UBAP2: variants seen among roughly 807,000 people sequenced by gnomAD.
UBAP2 encodes ubiquitin associated protein 2.
A neutral mutation model predicts 139.6 loss-of-function variants in UBAP2; 75 were observed. That is an observed-to-expected ratio of 0.54 (90% CI 0.45 to 0.65). The LOEUF is 0.65. UBAP2 is among the 30% of genes least tolerant of loss of function. The pLI, the probability that UBAP2 is intolerant of heterozygous loss-of-function variation, is 0.00. For missense variants in UBAP2, 1,368 were observed against 1,369.6 expected, an observed-to-expected ratio of 1.00 and a Z score of 0.02; for synonymous variants, 526 against 526.2, an observed-to-expected ratio of 1.00 and a Z score of 0.01.
At chr9:33,995,577 T>A (rs1297239040) in intron 4 of UBAP2, 2 of 137,296 alleles carry the variant, frequency 1.5e-5, no homozygotes, top group African/African-American at 5.5e-5. Flanking sequence ...AATTTAAAAT[T>A]AAATTATTTA....
At chr9:33,959,626 T>C (rs773460539) in intron 10 of UBAP2, among the ~76,000 whole-genome samples, 1 of 152,200 alleles carries the variant, frequency 6.6e-6, no homozygotes, top group Non-Finnish European at 1.5e-5. Flanking sequence ...AAAAATACTA[T>C]GCTGAAAGCA....
intron 1 of UBAP2, among the ~76,000 whole-genome samples, chr9:34,018,097 A>G (rs559918667): frequency 2.0e-5 from 3 of 152,178 alleles, no homozygotes; most frequent in Admixed American, 6.6e-5. Context: ...TAAGATGGGA[A>G]GACTGCTTGA....
At chr9:34,005,952 C>T (rs1416047114) in intron 2 of UBAP2, among the ~76,000 whole-genome samples, 2 of 152,022 alleles carry the variant, frequency 1.3e-5, no homozygotes, top group African/African-American at 4.8e-5. Context: ...GGACTCTGGC[C>T]AGGCGTGGTG....
At chr9:33,980,810 A>G (rs942418519) in intron 6 of UBAP2, among the ~76,000 whole-genome samples, 1 of 151,308 alleles carries the variant, frequency 6.6e-6, no homozygotes, top group Non-Finnish European at 1.5e-5. Flanking sequence ...AGCTGGGCAT[A>G]GTAGCGTGCA....
In UBAP2 at chr9:33,948,479, T is replaced by G. The variant is rs111735256; in HGVS notation, c.1165A>C (p.Thr389Pro). Reference sequence around the variant, plus strand: ...TTCTGCTGTGTACTTGGGGTGGTGGTAAACTGGCCCAAACTCGGAGCTTTC... The same window carrying G: ...TTCTGCTGTGTACTTGGGGTGGTGGGAAACTGGCCCAAACTCGGAGCTTTC... ...QLKAPSLGQF[T>P]TTPSTQQNST... is the part of the protein sequence containing the mutation. Residue 389 changes from threonine (T) to proline (P), a missense_variant, in exon 13 of 29, where the codon ACC becomes CCC. Thr to Pro is a conservative substitution (Grantham distance 38, BLOSUM62 -1). Transcript: ENST00000379238. 1.3e-5 allele frequency: 21 copies of G among 1,614,026 alleles called. No individual in the cohort carries two copies. The highest frequency in any genetic ancestry group is 1.6e-4 in the Middle Eastern group (1 of 6,084).
chr9:33,993,621 G>A (rs1301687867), intron 4 of UBAP2, among the ~76,000 whole-genome samples: 1 of 152,174 alleles, frequency 6.6e-6, no homozygotes, highest in African/African-American at 2.4e-5. Context: ...AACCGTGATG[G>A]CACCACTGCA....
chr9:33,984,454 G>A (rs1821028994), intron 6 of UBAP2, among the ~76,000 whole-genome samples: 1 of 151,942 alleles, frequency 6.6e-6, no homozygotes, highest in East Asian at 1.9e-4. Context: ...CTTGAGGCCA[G>A]GAGTTCCAGA....
intron 2 of UBAP2, among the ~76,000 whole-genome samples, chr9:33,999,245 G>A (rs997156404): frequency 1.6e-4 from 25 of 151,600 alleles, no homozygotes; most frequent in African/African-American, 6.1e-4. Context: ...CAAGGTAGAA[G>A]CACTGCTTGA....
intron 5 of UBAP2, among the ~76,000 whole-genome samples, chr9:33,988,319 A>G (rs549812911): frequency 7.2e-4 from 110 of 152,326 alleles, no homozygotes; most frequent in African/African-American, 2.5e-3. Flanking sequence ...ATGAGACAGC[A>G]AGAGTCTCAG....
In UBAP2 at chr9:33,948,495, C is replaced by T. The variant is rs367976778; in HGVS notation, c.1149G>A (p.Pro383=). ...GGGTGGTGGTAAACTGGCCCAAACT[C>T]GGAGCTTTCAACTGGTCCAAAATCT... ...SSQILDQLKA[P]SLGQFTTTPS... Residue 383 remains proline, a synonymous_variant, in exon 13 of 29, where the codon CCG becomes CCA. Coordinates refer to ENST00000379238, the MANE Select transcript of UBAP2 (RefSeq NM_001370062.2). 46 of 1,614,000 alleles carry T rather than the reference C, an allele frequency of 2.9e-5. No individual in the cohort carries two copies. Among genetic ancestry groups the T allele is most frequent in the Non-Finnish European group, 3.5e-5 (41 of 1,180,032 alleles).
chr9:33,970,091 G>A (rs1467660320), intron 8 of UBAP2, among the ~76,000 whole-genome samples: 5 of 150,546 alleles, frequency 3.3e-5, no homozygotes, highest in African/African-American at 4.9e-5. Context: ...TACTATGCCC[G>A]GCTAACTTTT....
chr9:34,012,840 AT>A lies in UBAP2; in HGVS notation c.99+4209del, dbSNP rs113937825. On this transcript the variant is annotated intron_variant, in intron 2 of 28. Transcript: ENST00000379238. ...AACTTTTCCGTAAATCTCACAATGT[AT>A]TTTTTTTTTTTTTAAATTGAGGTTC... Among the ~76,000 whole-genome samples the A allele has an allele frequency of 7.7e-3, 1,123 of 146,236 alleles. 2 individuals are homozygous for A. Among genetic ancestry groups the A allele is most frequent in the Non-Finnish European group, 0.011 (702 of 66,602 alleles).
intron 1 of UBAP2, among the ~76,000 whole-genome samples, chr9:34,032,158 T>A (rs1825944559): frequency 6.6e-6 from 1 of 152,076 alleles, no homozygotes; most frequent in Admixed American, 6.6e-5. Context: ...TGCTAATAAG[T>A]TGCCAACTTA....
In UBAP2 at chr9:33,924,239, G is replaced by C. The variant is rs556490028; in HGVS notation, c.2557C>G (p.Arg853Gly). 1.8e-4 allele frequency: 297 copies of C among 1,614,050 alleles called. No individual in the cohort carries two copies. The highest frequency in any genetic ancestry group is 2.3e-4 in the Non-Finnish European group (276 of 1,180,034). ...GGATTATTAGCTAGGCTCCCATCTC[G>C]GCTGGCAAGCGCTGTGGGTGCAGCA... ...PFAAPTALAS[R>G]DGSLANNPYP... The change falls in exon 23 of 29, where the codon CGA becomes GGA. Residue 853 changes from arginine (R) to glycine (G), a missense_variant. By Grantham distance (125) the Arg-to-Gly change is moderately radical. Transcript: ENST00000379238.
intron 5 of UBAP2, 119 bp downstream of exon 5, chr9:33,988,854 A>G (rs950816663): frequency 5.2e-6 from 6 of 1,148,130 alleles, no homozygotes; most frequent in African/African-American, 1.6e-5. Context: ...CTAAGAAAAA[A>G]TTTGAGAAAG....
At position 33,923,004 on chromosome 9, in the gene UBAP2, G is replaced by A; in HGVS notation, c.3034C>T (p.Leu1012=). The change falls in exon 27 of 29, where the codon CTA becomes TTA. Residue 1012 remains leucine, a synonymous_variant. Transcript: ENST00000379238. Reference sequence around the variant, plus strand: ...TAGACAGAACCAGTCATATCAGGTAGACCAGTGGTGCTTGAAGACACTGAT... The same window carrying A: ...TAGACAGAACCAGTCATATCAGGTAAACCAGTGGTGCTTGAAGACACTGAT... ...GVSVSSSTTG[L]PDMTGSVYNK... is the part of the protein sequence containing the mutation. The A allele has an allele frequency of 6.2e-7, 1 of 1,614,174 alleles. No homozygotes were observed. Among genetic ancestry groups the A allele is most frequent in the Non-Finnish European group, 8.5e-7 (1 of 1,180,030 alleles).
chr9:33,929,724 G>A (rs564926815), intron 19 of UBAP2, among the ~76,000 whole-genome samples: 2 of 152,314 alleles, frequency 1.3e-5, no homozygotes, highest in South Asian at 2.1e-4. Context: ...CACATAGGCC[G>A]GGCACGGTGG....
chr9:34,015,280 G>A (rs1824148584), intron 2 of UBAP2, among the ~76,000 whole-genome samples: 1 of 152,052 alleles, frequency 6.6e-6, no homozygotes, highest in African/African-American at 2.4e-5. Flanking sequence ...TAACCAAATT[G>A]AGGAGGAGGG....
chr9:34,020,498 G>T (rs1169857781), intron 1 of UBAP2, among the ~76,000 whole-genome samples: 1 of 150,170 alleles, frequency 6.7e-6, no homozygotes, highest in African/African-American at 2.5e-5. Flanking sequence ...CTAATTTTTG[G>T]TATTTTTAGT....
Sources: gnomAD v4.1 joint callset for allele counts (sites outside exome capture counted in the v4.1 genomes callset) on GRCh38, gnomAD v4.1.1 for gene constraint, MANE v1.5 for transcripts, NCBI Gene and HGNC (gene_info 2026-07-23, HGNC 2026-07-21) for gene names.